Variants in ZNF318 observed in about 807,000 individuals in gnomAD.
ZNF318 encodes the protein endocrine regulator.
In ZNF318, 51 loss-of-function variants were observed where a neutral mutation model predicts 124.2. The ratio of observed to expected loss-of-function variants is 0.41; its 90% CI spans 0.33 to 0.52. The LOEUF (loss-of-function observed/expected upper bound fraction) is 0.52. Ranked by LOEUF, ZNF318 falls within the 20% of genes least tolerant of loss-of-function variation. The pLI is 0.23. For synonymous variants in ZNF318, 1,090 were observed against 1,040.7 expected (o/e 1.05, Z -0.91); for missense variants, 2,815 against 2,811.2 (o/e 1.00, Z -0.03).
chr6:43,344,848 A>G (rs941351571), intron 6 of ZNF318, among the ~76,000 whole-genome samples: 4 of 151,668 alleles, frequency 2.6e-5, no homozygotes, highest in African/African-American at 9.6e-5. Context: ...CCAAGGTATT[A>G]ATAATAAATT....
At chr6:43,344,281 A>G (rs1406295597) in intron 6 of ZNF318, among the ~76,000 whole-genome samples, 1 of 152,212 alleles carries the variant, frequency 6.6e-6, no homozygotes, top group Non-Finnish European at 1.5e-5. Flanking sequence ...CTAGAAGATA[A>G]TCTAGGAATA....
At chr6:43,347,981 C>G (rs1431609472) in intron 6 of ZNF318, among the ~76,000 whole-genome samples, 1 of 152,138 alleles carries the variant, frequency 6.6e-6, no homozygotes, top group Non-Finnish European at 1.5e-5. Flanking sequence ...ACTTTAGCAA[C>G]ACAGTAGTGA....
chr6:43,348,752 G>T, intron 5 of ZNF318, 127 bp from the exon 6 acceptor site: 1 of 1,127,790 alleles, frequency 8.9e-7, no homozygotes. Context: ...TTCTAAGAGT[G>T]GCTAGGCGTG....
In ZNF318 at chr6:43,342,692, T is replaced by C. The variant is rs1230882981; in HGVS notation, c.3260A>G (p.Asn1087Ser). 4 of 1,614,216 alleles carry C rather than the reference T, an allele frequency of 2.5e-6. No homozygotes were observed. Among genetic ancestry groups the C allele is most frequent in the African/African-American group, 1.3e-5 (1 of 75,054 alleles). ...GATACCAACCTGTGTGTGCTTCTTA[T>C]TGTGCATATGAGTGAAGAAATCAAA... ...TMFDFFTHMH[N>S]KKHTQTLDPY... Residue 1087 changes from asparagine to serine, a missense_variant, in exon 7 of 10, where the codon AAT (asparagine) becomes AGT (serine). This residue lies in a region of ZNF318 where 500 missense variants were observed against 605.2 expected (regional missense o/e 0.83). Transcript: ENST00000361428.
intron 6 of ZNF318, 78 bp from the exon 7 acceptor site, chr6:43,342,957 A>G: frequency 1.6e-6 from 2 of 1,227,104 alleles, no homozygotes; most frequent in Non-Finnish European, 1.1e-6. Flanking sequence ...GTAAGTGGCC[A>G]TAATAATAGA....
In ZNF318 at chr6:43,354,742, C is replaced by T; in HGVS notation, c.2592G>A (p.Gln864=). 6.2e-7 allele frequency: 1 copy of T among 1,614,102 alleles called. No individual in the cohort carries two copies. Among genetic ancestry groups the T allele is most frequent in the Non-Finnish European group, 8.5e-7 (1 of 1,180,018 alleles). Residue 864 remains glutamine (Q), a synonymous_variant, in exon 4 of 10, where the codon CAG becomes CAA. Coordinates refer to ENST00000361428, the MANE Select transcript of ZNF318 (RefSeq NM_014345.3). The part of the protein sequence containing the change: ...GSIPAAQVPV[Q]VSIPSLIRYN... Reference sequence around the variant, plus strand: ...ATCTTATGAGTGATGGAATGGACACCTGGACAGGCACTTGGGCCGCAGGAA... The same window carrying T: ...ATCTTATGAGTGATGGAATGGACACTTGGACAGGCACTTGGGCCGCAGGAA...
At position 43,354,957 on chromosome 6, in the gene ZNF318, G is replaced by C. The variant is rs1304012680; in HGVS notation, c.2377C>G (p.His793Asp). 6.2e-7 allele frequency: 1 copy of C among 1,610,032 alleles called. No individual in the cohort carries two copies. Residue 793 changes from histidine to aspartate, a missense_variant, in exon 4 of 10, where the codon CAC becomes GAC. Coordinates refer to ENST00000361428, the MANE Select transcript of ZNF318 (RefSeq NM_014345.3). ...CTGGAGGCTGCATATGCCATGTAGT[G>C]CCTATAGGCATCAAAAGAGGCAGGG... ...IPPASFDAYR[H>D]YMAYAASRWP...
In ZNF318 at chr6:43,340,193, T is replaced by A. The variant is rs778967942; in HGVS notation, c.3805A>T (p.Thr1269Ser). The change falls in exon 10 of 10, where the codon ACA becomes TCA. Residue 1269 changes from threonine to serine, a missense_variant. Physicochemically the swap from Thr to Ser is moderately conservative, Grantham distance 58 (BLOSUM62 1). Coordinates refer to ENST00000361428, the MANE Select transcript of ZNF318 (RefSeq NM_014345.3). ...CTGAATTTCCCAAAAGAAGATGATG[T>A]TGGTGATTCCTTCTTTACCTCTTCT... Reference protein sequence around the residue: ...LKEEVKKESPTSSSFGKFSWK... With the variant: ...LKEEVKKESPSSSSFGKFSWK... The A allele has an allele frequency of 6.2e-7, 1 of 1,614,220 alleles. No homozygotes were observed. The highest frequency in any genetic ancestry group is 1.7e-5 in the Admixed American group (1 of 60,028).
chr6:43,361,932 G>T (rs1779685598), intron 2 of ZNF318, among the ~76,000 whole-genome samples: 2 of 151,928 alleles, frequency 1.3e-5, no homozygotes. Context: ...GAGGCAGGAG[G>T]GTCACTTGAG....
chr6:43,360,012 A>C (rs2125738), intron 2 of ZNF318, among the ~76,000 whole-genome samples: 2 of 152,114 alleles, frequency 1.3e-5, no homozygotes, highest in African/African-American at 4.8e-5. Flanking sequence ...CTCCATTGCC[A>C]AAACACCATC....
At position 43,340,812 on chromosome 6, in the gene ZNF318, T is replaced by G; in HGVS notation, c.3473A>C (p.His1158Pro). Residue 1158 changes from histidine to proline, a missense_variant, in exon 9 of 10, where the codon CAC (histidine) becomes CCC (proline). By Grantham distance (77) the His-to-Pro change is moderately conservative (BLOSUM62 -2). Around this residue, in one of 4 missense-constraint regions of ZNF318, gnomAD observed 500 missense variants for 605.2 expected, o/e 0.83. Transcript: ENST00000361428. ...PISGEQHVKG[H>P]QHNEKYKKYV... is the part of the protein sequence containing the mutation. ...AACCTTGTATTTCTCATTGTGTTGG[T>G]GACCCTTCACATGTTGCTCCCCAGA... is the stretch of plus-strand genomic sequence containing the variant. 2 of 1,613,820 alleles carry G rather than the reference T, an allele frequency of 1.2e-6. No individual in the cohort carries two copies. Among genetic ancestry groups the G allele is most frequent in the Non-Finnish European group, 8.5e-7 (1 of 1,179,692 alleles).
At chr6:43,362,682 T>A (rs1779698777) in intron 2 of ZNF318, among the ~76,000 whole-genome samples, 1 of 151,954 alleles carries the variant, frequency 6.6e-6, no homozygotes. Flanking sequence ...TTTTGTATTT[T>A]TGGTAGAGAC....
chr6:43,360,655 A>C (rs1779668251), intron 2 of ZNF318, among the ~76,000 whole-genome samples: 1 of 152,250 alleles, frequency 6.6e-6, no homozygotes, highest in Non-Finnish European at 1.5e-5. Context: ...AGCAGCATTA[A>C]TCATAATTGC....
chr6:43,360,539 G>C (rs1779666739), intron 2 of ZNF318, among the ~76,000 whole-genome samples: 1 of 152,248 alleles, frequency 6.6e-6, no homozygotes, highest in South Asian at 2.1e-4. Context: ...TAAGGACATG[G>C]GGTTTCACTG....
rs1158459731 is a variant in ZNF318, at chr6:43,356,087, T to TGCCC, written c.1243_1246dup (p.His416ArgfsTer19). 1 of 1,614,004 alleles carries TGCCC rather than the reference T, an allele frequency of 6.2e-7. No homozygotes were observed. The highest frequency in any genetic ancestry group is 1.3e-5 in the African/African-American group (1 of 74,912). On this transcript the variant is annotated frameshift_variant, in exon 4 of 10. Transcript: ENST00000361428. LOFTEE classifies it high-confidence loss of function. The stretch of plus-strand genomic sequence containing the variant: ...AGCACCACTTAGTGGAAGGGATGGG[T>TGCCC]GCCCAGAGTAGAGAGGGTGATCCTG...
chr6:43,357,834 A>G (rs1779630964), intron 2 of ZNF318, 69 bp from the exon 3 acceptor site: 2 of 1,422,348 alleles, frequency 1.4e-6, no homozygotes, highest in Non-Finnish European at 1.9e-6. Context: ...AGGCTAAGAG[A>G]CTGGTGTTTG....
Position 43,337,911 on chromosome 6 carries a change from T to A in ZNF318, c.6087A>T (p.Val2029=). 1 of 1,614,230 alleles carries A rather than the reference T, an allele frequency of 6.2e-7. No homozygotes were observed. Among genetic ancestry groups the A allele is most frequent in the Non-Finnish European group, 8.5e-7 (1 of 1,180,032 alleles). The change falls in exon 10 of 10, where the codon GTA becomes GTT. Residue 2029 remains valine (V), a synonymous_variant. Transcript: ENST00000361428. Reference sequence around the variant, plus strand: ...CAGTTGGGGATCTATGTGCTGGGCTTACCCGAGTAGTGCAGAAATCAACAG... The same window carrying A: ...CAGTTGGGGATCTATGTGCTGGGCTAACCCGAGTAGTGCAGAAATCAACAG... The part of the protein sequence containing the change: ...DMPVDFCTTR[V]SPAHRSPTVL...
chr6:43,367,101 C>T lies in ZNF318; in HGVS notation c.400-1661G>A, dbSNP rs556665226. Among the ~76,000 whole-genome samples the T allele has an allele frequency of 5.3e-5, 8 of 152,194 alleles. No homozygotes were observed. In the East Asian group the frequency reaches 1.5e-3, roughly 29 times the overall value. ...TCCTGACCTCGTGATCCGCCTGCCT[C>T]GGCCTCCCAAAGTGCTGGGATTACA... On this transcript the variant is annotated intron_variant, in intron 1 of 9. Coordinates refer to ENST00000361428, the MANE Select transcript of ZNF318 (RefSeq NM_014345.3).
In ZNF318 at chr6:43,369,397, C is replaced by G. The variant is rs927210889; in HGVS notation, c.-32G>C. On this transcript the variant is annotated 5_prime_UTR_variant, in exon 1 of 10. Coordinates refer to ENST00000361428, the MANE Select transcript of ZNF318 (RefSeq NM_014345.3). Reference sequence around the variant, plus strand: ...TGCAGCGGCGGCCACGGCGACAGCTCTGACCCGGGGGCGCCCTAGACGCAG... The same window carrying G: ...TGCAGCGGCGGCCACGGCGACAGCTGTGACCCGGGGGCGCCCTAGACGCAG... 8.3e-7 allele frequency: 1 copy of G among 1,200,872 alleles called. No homozygotes were observed. The highest frequency in any genetic ancestry group is 3.7e-5 in the East Asian group (1 of 26,720). 74.4% of individuals were successfully genotyped at this position (1,200,872 alleles called of 1,614,324 possible).
Sources: allele counts gnomAD v4.1 joint callset (sites outside exome capture counted in the v4.1 genomes callset), GRCh38; gene constraint gnomAD v4.1.1; regional missense constraint gnomAD v4.1.1; transcripts MANE v1.5; gene names NCBI Gene and HGNC (gene_info 2026-07-23, HGNC 2026-07-21).